Variants in LARGE1 observed in about 807,000 individuals in gnomAD.
The protein encoded by LARGE1 is LARGE xylosyl- and glucuronyltransferase 1.
Under a neutral mutation model 87.6 loss-of-function variants are expected in LARGE1, and 43 were observed. The observed-to-expected ratio is 0.49, with a 90% CI of 0.38 to 0.63. LARGE1 has a LOEUF of 0.63. LARGE1 is among the 30% of genes least tolerant of loss of function. The pLI is 0.00. For missense variants in LARGE1, 802 were observed against 1,000.2 expected (o/e 0.80, Z 2.67); for synonymous variants, 434 against 394.6 (o/e 1.10, Z -1.18).
chr22:33,819,268 A>G (rs1022255308), intron 1 of LARGE1, among the ~76,000 whole-genome samples: 42 of 86,756 alleles, frequency 4.8e-4, no homozygotes, highest in African/African-American at 1.8e-3. Flanking sequence ...GTGTGAGTAC[A>G]AAGCTCTTCA....
intron 6 of LARGE1, among the ~76,000 whole-genome samples, chr22:33,547,692 G>T (rs1432827996): frequency 2.0e-5 from 3 of 150,768 alleles, no homozygotes; most frequent in Non-Finnish European, 2.9e-5. Flanking sequence ...TACTCAGGAG[G>T]CTGAGGCAGG....
intron 9 of LARGE1, among the ~76,000 whole-genome samples, chr22:33,372,420 T>C (rs944740775): frequency 6.6e-6 from 1 of 152,126 alleles, no homozygotes; most frequent in Non-Finnish European, 1.5e-5. Flanking sequence ...GGGTAATTTA[T>C]AAAGAAAAAG....
chr22:33,601,725 C>T lies in LARGE1; in HGVS notation c.615+2710G>A, dbSNP rs567599940. Among the ~76,000 whole-genome samples, 227 of 152,078 alleles carry T rather than the reference C, an allele frequency of 1.5e-3. 1 individual carries two copies. The highest frequency in any genetic ancestry group is 2.7e-3 in the Non-Finnish European group (185 of 67,994). ...TGTCAGGAAACTTTGATGAAGTCTT[C>T]GATAGTAGACATCGGGTTAGAGGAC... On this transcript the variant is annotated intron_variant, in intron 5 of 14. Coordinates refer to ENST00000397394, the MANE Select transcript of LARGE1 (RefSeq NM_133642.5).
At chr22:33,561,471 C>T (rs773612693) in intron 6 of LARGE1, among the ~76,000 whole-genome samples, 5 of 152,172 alleles carry the variant, frequency 3.3e-5, no homozygotes, top group East Asian at 1.9e-4. Context: ...AGAAGTATCT[C>T]GTGAGAAGCA....
chr22:33,527,470 C>T (rs936650120), intron 6 of LARGE1, among the ~76,000 whole-genome samples: 13 of 152,150 alleles, frequency 8.5e-5, no homozygotes, highest in African/African-American at 2.9e-4. Flanking sequence ...TCCCAGGGGA[C>T]AGAAATTCTG....
chr22:33,226,678 G>T (rs1156988934), intron 11 of LARGE1, among the ~76,000 whole-genome samples: 3 of 151,974 alleles, frequency 2.0e-5, no homozygotes, highest in African/African-American at 7.2e-5. Context: ...CACTAGAGAT[G>T]CACCCACCTA....
At chr22:33,459,803 AG>A (rs2068298575) in intron 6 of LARGE1, among the ~76,000 whole-genome samples, 1 of 150,194 alleles carries the variant, frequency 6.7e-6, no homozygotes. Flanking sequence ...CTCTGAGCCT[AG>A]GCAATTTATC....
At chr22:33,462,788 A>T (rs2068433140) in intron 6 of LARGE1, among the ~76,000 whole-genome samples, 1 of 152,110 alleles carries the variant, frequency 6.6e-6, no homozygotes, top group East Asian at 1.9e-4. Flanking sequence ...CTCAAAAAAT[A>T]AAAATAATAT....
intron 2 of LARGE1, among the ~76,000 whole-genome samples, chr22:33,694,984 A>T (rs561151721): frequency 6.6e-6 from 1 of 152,270 alleles, no homozygotes; most frequent in East Asian, 1.9e-4. Flanking sequence ...TGCATCCCCA[A>T]TCCCAGTTAT....
intron 1 of LARGE1, among the ~76,000 whole-genome samples, chr22:33,909,066 A>G: frequency 6.6e-6 from 1 of 152,184 alleles, no homozygotes; most frequent in East Asian, 1.9e-4. Flanking sequence ...CAAACCCCCA[A>G]TAAGAGAGGC....
chr22:33,401,324 T>A (rs971618567), intron 7 of LARGE1, among the ~76,000 whole-genome samples: 1 of 152,060 alleles, frequency 6.6e-6, no homozygotes, highest in African/African-American at 2.4e-5. Flanking sequence ...TAAAATGAGG[T>A]CAGACGGGTG....
chr22:33,426,952 T>C (rs1319531270), intron 7 of LARGE1, among the ~76,000 whole-genome samples: 1 of 152,234 alleles, frequency 6.6e-6, no homozygotes, highest in Non-Finnish European at 1.5e-5. Flanking sequence ...TCTGCAAACA[T>C]GCCATCTTCT....
intron 10 of LARGE1, among the ~76,000 whole-genome samples, chr22:33,332,857 G>C (rs1158827196): frequency 1.3e-5 from 2 of 152,154 alleles, no homozygotes; most frequent in Admixed American, 6.6e-5. Flanking sequence ...GCAGTGTACA[G>C]GAACCTGCTT....
intron 10 of LARGE1, among the ~76,000 whole-genome samples, chr22:33,327,305 C>T (rs893801372): frequency 6.6e-6 from 1 of 152,130 alleles, no homozygotes; most frequent in African/African-American, 2.4e-5. Context: ...ACCTTCATAG[C>T]GTGAGAGAGT....
At chr22:33,512,593 A>C (rs946966450) in intron 6 of LARGE1, among the ~76,000 whole-genome samples, 1 of 152,140 alleles carries the variant, frequency 6.6e-6, no homozygotes, top group Admixed American at 6.5e-5. Context: ...ACCTGAGGTC[A>C]GGAGTTCGAG....
intron 1 of LARGE1, among the ~76,000 whole-genome samples, chr22:33,888,478 T>C (rs2064918734): frequency 6.6e-6 from 1 of 152,150 alleles, no homozygotes; most frequent in Non-Finnish European, 1.5e-5. Flanking sequence ...ATAAAGCTCA[T>C]GATAAAGAAT....
chr22:33,857,487 C>T (rs1208957648), intron 1 of LARGE1, among the ~76,000 whole-genome samples: 1 of 152,224 alleles, frequency 6.6e-6, no homozygotes, highest in African/African-American at 2.4e-5. Context: ...AGGACACATA[C>T]TAACAAAACA....
At chr22:33,536,620 C>T (rs2077051426) in intron 6 of LARGE1, among the ~76,000 whole-genome samples, 1 of 152,146 alleles carries the variant, frequency 6.6e-6, no homozygotes, top group African/African-American at 2.4e-5. Context: ...ATAAATTTGG[C>T]CTTATGATGC....
intron 4 of LARGE1, among the ~76,000 whole-genome samples, chr22:33,609,432 G>A (rs1324272735): frequency 6.6e-6 from 1 of 152,214 alleles, no homozygotes; most frequent in Non-Finnish European, 1.5e-5. Context: ...CTACATGGTG[G>A]TGAGGGTGAA....
Sources: allele counts gnomAD v4.1 joint callset (sites outside exome capture counted in the v4.1 genomes callset), GRCh38; gene constraint gnomAD v4.1.1; transcripts MANE v1.5; gene names NCBI Gene and HGNC (gene_info 2026-07-23, HGNC 2026-07-21).